Variants in CDK7 observed in about 807,000 individuals in gnomAD.
CDK7 encodes the protein cyclin-dependent kinase 7.
CDK7 carries 25 observed loss-of-function variants against 49.1 expected under a neutral mutation model. The observed-to-expected ratio is 0.51, with a 90% confidence interval of 0.37 to 0.71. The LOEUF is 0.71. Ranked by LOEUF, CDK7 falls within the 30% of genes least tolerant of loss-of-function variation. CDK7 has a pLI of 0.00. For synonymous variants in CDK7, 107 were observed against 140.0 expected (o/e 0.76, Z 1.67); for missense variants, 316 against 411.7 (o/e 0.77, Z 2.01).
intron 11 of CDK7, 122 bp from the exon 12 acceptor site, chr5:69,276,984 TG>T: frequency 1.2e-6 from 1 of 829,362 alleles, no homozygotes; most frequent in South Asian, 1.9e-5. Flanking sequence ...CAAGTGCTAC[TG>T]GAAAAAATGT....
At chr5:69,260,589 G>T (rs1466554741) in intron 7 of CDK7, among the ~76,000 whole-genome samples, 3 of 152,152 alleles carry the variant, frequency 2.0e-5, no homozygotes, top group Non-Finnish European at 4.4e-5. Context: ...ATGTTGGTCA[G>T]TGCTGATTCT....
intron 10 of CDK7, among the ~76,000 whole-genome samples, chr5:69,275,608 C>T (rs1561381413): frequency 1.3e-5 from 2 of 152,262 alleles, no homozygotes; most frequent in South Asian, 2.1e-4. Flanking sequence ...GAAAATTCTA[C>T]ACATAAGGAC....
At chr5:69,259,730 T>A (rs1750697667) in intron 6 of CDK7, 88 bp from the exon 7 acceptor site, 1 of 787,360 alleles carries the variant, frequency 1.3e-6, no homozygotes, top group Admixed American at 2.3e-5. Flanking sequence ...TTGTTTTTGC[T>A]AAGTTTAAAG....
At chr5:69,265,157 C>T (rs1455644821) in intron 8 of CDK7, among the ~76,000 whole-genome samples, 2 of 151,160 alleles carry the variant, frequency 1.3e-5, no homozygotes, top group South Asian at 2.1e-4. Flanking sequence ...TCCAGCTACT[C>T]GGGAGACTGA....
intron 2 of CDK7, among the ~76,000 whole-genome samples, chr5:69,241,157 C>T (rs1222058332): frequency 3.9e-5 from 6 of 152,036 alleles, no homozygotes; most frequent in Admixed American, 6.6e-5. Flanking sequence ...TGAGGAACCT[C>T]CAAACTGTCC....
intron 3 of CDK7, among the ~76,000 whole-genome samples, chr5:69,252,799 A>G (rs781213396): frequency 2.0e-5 from 3 of 152,098 alleles, no homozygotes; most frequent in Non-Finnish European, 2.9e-5. Flanking sequence ...TTGAGCCACC[A>G]TGCCCAGCAT....
intron 11 of CDK7, 48 bp downstream of exon 11, chr5:69,276,738 A>T: frequency 6.5e-7 from 1 of 1,530,022 alleles, no homozygotes; most frequent in Non-Finnish European, 9.0e-7. Context: ...AGAAAACTCC[A>T]AATAGCTCGT....
intron 2 of CDK7, among the ~76,000 whole-genome samples, chr5:69,241,560 G>A (rs1172632348): frequency 6.6e-6 from 1 of 151,914 alleles, no homozygotes; most frequent in East Asian, 1.9e-4. Context: ...TCCTGACCAC[G>A]TGATCCGCCT....
chr5:69,241,871 T>C (rs1451738856), intron 2 of CDK7, among the ~76,000 whole-genome samples: 4 of 152,200 alleles, frequency 2.6e-5, no homozygotes, highest in African/African-American at 9.6e-5. Context: ...TTCTCTTCAC[T>C]GTGTTGTTTC....
intron 2 of CDK7, among the ~76,000 whole-genome samples, chr5:69,238,498 A>C (rs2932783): frequency 0.45 from 67,577 of 151,212 alleles, 15,192 homozygotes; most frequent in South Asian, 0.56. Context: ...TGTTGACTAG[A>C]CTGGTCTTCA....
intron 2 of CDK7, among the ~76,000 whole-genome samples, chr5:69,243,029 G>C (rs1749492074): frequency 6.6e-6 from 1 of 152,092 alleles, no homozygotes; most frequent in African/African-American, 2.4e-5. Context: ...TGGGCAACAA[G>C]AGCAAAAACT....
At chr5:69,254,561 A>G (rs1580302303) in intron 3 of CDK7, 41 bp from the exon 4 acceptor site, 1 of 872,850 alleles carries the variant, frequency 1.1e-6, no homozygotes, top group Non-Finnish European at 1.9e-6. Context: ...AAGGTTTGAG[A>G]TTTCAGAATT....
chr5:69,238,215 T>C (rs1314628533), intron 2 of CDK7, among the ~76,000 whole-genome samples: 1 of 152,166 alleles, frequency 6.6e-6, no homozygotes, highest in African/African-American at 2.4e-5. Context: ...GGGTTATATC[T>C]CATTTTTCAG....
intron 2 of CDK7, among the ~76,000 whole-genome samples, chr5:69,238,296 T>C (rs1433745113): frequency 2.0e-5 from 3 of 151,782 alleles, no homozygotes; most frequent in Non-Finnish European, 4.4e-5. Context: ...TTTTTTTTTT[T>C]TTTTGAGACA....
intron 8 of CDK7, among the ~76,000 whole-genome samples, chr5:69,268,203 G>A (rs755993619): frequency 6.6e-6 from 1 of 152,056 alleles, no homozygotes; most frequent in Non-Finnish European, 1.5e-5. Flanking sequence ...CCCATCTAGA[G>A]TAAGTTAGGT....
intron 10 of CDK7, among the ~76,000 whole-genome samples, chr5:69,275,961 A>G (rs1752090529): frequency 1.3e-5 from 2 of 152,236 alleles, no homozygotes; most frequent in Non-Finnish European, 2.9e-5. Context: ...TCTGGTCCCA[A>G]GCATTTTAGA....
intron 11 of CDK7, among the ~76,000 whole-genome samples, 184 bp from the exon 12 acceptor site, chr5:69,276,923 A>C (rs1752211562): frequency 6.6e-6 from 1 of 152,234 alleles, no homozygotes; most frequent in African/African-American, 2.4e-5. Flanking sequence ...ATGTATGTGT[A>C]CCTTGTTCCC....
At chr5:69,264,767 T>C (rs890237028) in intron 8 of CDK7, among the ~76,000 whole-genome samples, 1 of 149,232 alleles carries the variant, frequency 6.7e-6, no homozygotes. Flanking sequence ...GGTTGGGAGT[T>C]TGAGACCAGC....
intron 1 of CDK7, 26 bp downstream of exon 1, chr5:69,235,067 G>A (rs1199567655): frequency 3.2e-6 from 5 of 1,583,736 alleles, no homozygotes; most frequent in Non-Finnish European, 4.3e-6. Context: ...AGGACGGGGA[G>A]GGCCCCAAGC....
Sources: gnomAD v4.1 joint callset for allele counts (sites outside exome capture counted in the v4.1 genomes callset) on GRCh38, gnomAD v4.1.1 for gene constraint, MANE v1.5 for transcripts, NCBI Gene and HGNC (gene_info 2026-07-23, HGNC 2026-07-21) for gene names.